The following PTPRD variants were observed in gnomAD, a reference collection of about 807,000 sequenced individuals.
PTPRD encodes the protein protein tyrosine phosphatase receptor type D.
A neutral mutation model predicts 214.5 loss-of-function variants in PTPRD; 34 were observed. That is an observed-to-expected ratio of 0.16 (90% CI 0.12 to 0.21). The LOEUF (loss-of-function observed/expected upper bound fraction) is 0.21, where lower values mean the gene tolerates loss of function less well. PTPRD is among the 10% of genes least tolerant of loss of function. The probability of loss-of-function intolerance (pLI) is 1.00; values close to 1 mark genes in which losing one functional copy is unlikely to be tolerated. For synonymous variants in PTPRD, 1,128 were observed against 845.7 expected (o/e 1.33, Z -5.79); for missense variants, 2,545 against 2,398.7 (o/e 1.06, Z -1.27).
intron 7 of PTPRD, among the ~76,000 whole-genome samples, chr9:9,657,972 T>C (rs2096553257): frequency 6.6e-6 from 1 of 152,200 alleles, no homozygotes; most frequent in Non-Finnish European, 1.5e-5. Context: ...CATTTGACTT[T>C]TATGCTTAAT....
intron 12 of PTPRD, among the ~76,000 whole-genome samples, chr9:8,698,426 G>A (rs773250404): frequency 2.0e-4 from 31 of 152,286 alleles, no homozygotes; most frequent in Non-Finnish European, 2.8e-4. Flanking sequence ...TGTTAACTGC[G>A]GAAATGTAGC....
intron 10 of PTPRD, among the ~76,000 whole-genome samples, chr9:9,022,343 C>A (rs961054860): frequency 6.6e-6 from 1 of 152,076 alleles, no homozygotes; most frequent in Non-Finnish European, 1.5e-5. Context: ...AGAGCAACTT[C>A]CAGTCCTGAA....
intron 11 of PTPRD, among the ~76,000 whole-genome samples, chr9:8,921,005 G>C (rs1393691804): frequency 6.6e-6 from 1 of 152,064 alleles, no homozygotes; most frequent in Non-Finnish European, 1.5e-5. Flanking sequence ...GTCGAGACAG[G>C]GTATCACCAT....
intron 7 of PTPRD, among the ~76,000 whole-genome samples, chr9:9,661,705 C>T (rs1258666231): frequency 4.0e-5 from 6 of 151,716 alleles, no homozygotes; most frequent in Non-Finnish European, 5.9e-5. Flanking sequence ...TGACATACAA[C>T]ATGATTCGAA....
chr9:10,416,998 C>T (rs1482761906), intron 2 of PTPRD, among the ~76,000 whole-genome samples: 1 of 151,824 alleles, frequency 6.6e-6, no homozygotes, highest in Non-Finnish European at 1.5e-5. Flanking sequence ...CTTTTATCTT[C>T]CAGACAAGAG....
intron 11 of PTPRD, among the ~76,000 whole-genome samples, chr9:8,940,232 A>T (rs367684909): frequency 1.2e-3 from 183 of 150,240 alleles, no homozygotes; most frequent in African/African-American, 4.2e-3. Flanking sequence ...CTTTCCCCAG[A>T]AGACTAAATT....
chr9:10,032,344 G>A (rs767986159), intron 4 of PTPRD, among the ~76,000 whole-genome samples: 10 of 152,166 alleles, frequency 6.6e-5, no homozygotes, highest in Non-Finnish European at 1.3e-4. Flanking sequence ...CTACAATACA[G>A]TGATCATAAA....
At chr9:10,049,407 A>AAAAGAAAGAAAGAAAT in intron 3 of PTPRD, among the ~76,000 whole-genome samples, 1 of 115,736 alleles carries the variant, frequency 8.6e-6, no homozygotes, top group East Asian at 2.5e-4. Flanking sequence ...TTAAAAAAAA[A>AAAAGAAAGAAAGAAAT]AAAGAAAGAA....
At chr9:9,079,006 C>G (rs1260646693) in intron 10 of PTPRD, among the ~76,000 whole-genome samples, 2 of 151,922 alleles carry the variant, frequency 1.3e-5, no homozygotes, top group African/African-American at 4.8e-5. Context: ...GTGATCAGAT[C>G]AGGGTAATCA....
intron 2 of PTPRD, among the ~76,000 whole-genome samples, chr9:10,428,661 G>A (rs946326616): frequency 6.6e-6 from 1 of 151,958 alleles, no homozygotes; most frequent in Non-Finnish European, 1.5e-5. Context: ...TCAATATAAA[G>A]AATCAAAATT....
In PTPRD at chr9:9,337,749, A is replaced by G. The variant is rs186146023; in HGVS notation, c.-203+59700T>C. 2.3e-3 allele frequency among the ~76,000 whole-genome samples: 350 copies of G among 152,292 alleles called. 1 individual carries two copies. The highest frequency in any genetic ancestry group is 8.3e-3 in the African/African-American group (343 of 41,572). ...TCAACGGCAAAAGGCTTGCTGGACA[A>G]TGACCCTTTTCATTTAAATTGTTCT... On this transcript the variant is annotated intron_variant, in intron 9 of 45. Transcript: ENST00000381196.
At chr9:9,470,446 T>A (rs78362989) in intron 8 of PTPRD, among the ~76,000 whole-genome samples, 1,848 of 152,326 alleles carry the variant, frequency 0.012, 33 homozygotes, top group African/African-American at 0.042. Context: ...AGCAGAAACT[T>A]TGAATTCTTT....
At chr9:10,182,747 G>A (rs530041768) in intron 3 of PTPRD, among the ~76,000 whole-genome samples, 1 of 152,248 alleles carries the variant, frequency 6.6e-6, no homozygotes, top group African/African-American at 2.4e-5. Context: ...AGAGGCAGTT[G>A]GGACTCATGT....
At chr9:8,628,036 G>A (rs969473798) in intron 14 of PTPRD, among the ~76,000 whole-genome samples, 3 of 151,786 alleles carry the variant, frequency 2.0e-5, no homozygotes, top group African/African-American at 4.8e-5. Flanking sequence ...TTGTCAGCAC[G>A]TTTGTTCTGT....
chr9:8,622,346 C>T (rs2154302031), intron 14 of PTPRD, among the ~76,000 whole-genome samples: 1 of 152,000 alleles, frequency 6.6e-6, no homozygotes, highest in East Asian at 1.9e-4. Flanking sequence ...TCAGCTGAGG[C>T]TTCATGTGTC....
intron 8 of PTPRD, among the ~76,000 whole-genome samples, chr9:9,424,385 C>T (rs2080025162): frequency 6.6e-6 from 1 of 152,160 alleles, no homozygotes; most frequent in African/African-American, 2.4e-5. Context: ...GTCAACCTAC[C>T]AGCTGGCTGG....
chr9:10,443,583 C>G (rs982466836), intron 2 of PTPRD, among the ~76,000 whole-genome samples: 4 of 151,558 alleles, frequency 2.6e-5, no homozygotes, highest in Non-Finnish European at 5.9e-5. Flanking sequence ...CCATTTATAC[C>G]TTAATGTTAC....
At chr9:9,118,769 T>C (rs2099814719) in intron 10 of PTPRD, among the ~76,000 whole-genome samples, 1 of 152,204 alleles carries the variant, frequency 6.6e-6, no homozygotes, top group African/African-American at 2.4e-5. Flanking sequence ...CCTTTTTATT[T>C]TTATAATTTC....
chr9:8,934,269 G>A (rs2098973554), intron 11 of PTPRD, among the ~76,000 whole-genome samples: 1 of 149,170 alleles, frequency 6.7e-6, no homozygotes, highest in Non-Finnish European at 1.5e-5. Context: ...TTAAGTGAAG[G>A]CCCATCCTCC....
Sources: gnomAD v4.1 joint callset for allele counts (sites outside exome capture counted in the v4.1 genomes callset) on GRCh38, gnomAD v4.1.1 for gene constraint, MANE v1.5 for transcripts, NCBI Gene and HGNC (gene_info 2026-07-23, HGNC 2026-07-21) for gene names.